The following TMIGD3 variants were observed in gnomAD, a reference collection of about 807,000 sequenced individuals.
TMIGD3 encodes the protein AD026 protein (AD026).
A neutral mutation model predicts 28.1 loss-of-function variants in TMIGD3; 21 were observed. That is an observed-to-expected ratio of 0.75 (90% CI 0.53 to 1.08). TMIGD3 has a LOEUF of 1.08. TMIGD3 is among the 50% of genes least tolerant of loss of function. TMIGD3 has a pLI of 0.00. For synonymous variants in TMIGD3, 151 were observed against 162.1 expected (o/e 0.93, Z 0.52); for missense variants, 416 against 435.6 (o/e 0.96, Z 0.40).
rs539015414 is a variant in TMIGD3, at chr1:111,530,702, C to T, written c.107+33144G>A. Among the ~76,000 whole-genome samples the T allele has an allele frequency of 2.6e-5, 4 of 152,218 alleles. No individual in the cohort carries two copies. In the East Asian group the frequency reaches 5.8e-4, roughly 22 times the overall value. ...TTCTGCCATTGTTATCATTGTTCCT[C>T]TATATGTAATGTAGGGGTTTTTTTT... is the stretch of plus-strand genomic sequence containing the variant. On this transcript the variant is annotated intron_variant, in intron 1 of 5. Transcript: ENST00000369717.
At chr1:111,552,903 T>A (rs535329937) in intron 1 of TMIGD3, among the ~76,000 whole-genome samples, 4 of 152,336 alleles carry the variant, frequency 2.6e-5, no homozygotes, top group Admixed American at 2.6e-4. Flanking sequence ...CAAAAATTGT[T>A]AGGCACTAAA....
intron 3 of TMIGD3, among the ~76,000 whole-genome samples, chr1:111,487,660 A>G (rs2100956366): frequency 6.6e-6 from 1 of 152,302 alleles, no homozygotes; most frequent in South Asian, 2.1e-4. Flanking sequence ...TCCAGCCAAG[A>G]GTTGTAATTT....
At chr1:111,507,983 C>T (rs1174519050), upstream of TMIGD3, among the ~76,000 whole-genome samples, 2 of 152,254 alleles carry the variant, frequency 1.3e-5, no homozygotes, top group African/African-American at 2.4e-5. Flanking sequence ...CACGGGCCTT[C>T]TAACCAGGGC....
intron 1 of TMIGD3, among the ~76,000 whole-genome samples, chr1:111,513,894 T>C (rs1002039072): frequency 3.9e-5 from 6 of 152,208 alleles, no homozygotes; most frequent in African/African-American, 1.2e-4. Context: ...TGGAAACATC[T>C]GCAGGGAGGC....
chr1:111,539,220 A>G (rs1390617263), intron 1 of TMIGD3, among the ~76,000 whole-genome samples: 8 of 152,156 alleles, frequency 5.3e-5, no homozygotes, highest in African/African-American at 9.7e-5. Flanking sequence ...ATAGTACCTG[A>G]TACTATGCTC....
chr1:111,531,220 G>A (rs1174981936), intron 1 of TMIGD3, among the ~76,000 whole-genome samples: 2 of 151,800 alleles, frequency 1.3e-5, no homozygotes, highest in African/African-American at 4.8e-5. Context: ...AGAGGTTGCA[G>A]TAAGCCAAGG....
intron 1 of TMIGD3, among the ~76,000 whole-genome samples, chr1:111,558,352 ATTT>A (rs5777065): frequency 1.4e-5 from 2 of 144,996 alleles, no homozygotes; most frequent in Non-Finnish European, 1.5e-5. Flanking sequence ...TAATTTTTCT[ATTT>A]TTTTTTTTTT....
At chr1:111,546,077 T>C (rs1350243027) in intron 1 of TMIGD3, among the ~76,000 whole-genome samples, 2 of 152,186 alleles carry the variant, frequency 1.3e-5, no homozygotes, top group Middle Eastern at 3.2e-3. Context: ...TTTTTCTTTT[T>C]CAAAACTATT....
intron 1 of TMIGD3, among the ~76,000 whole-genome samples, chr1:111,496,791 A>G (rs1167293436): frequency 6.6e-6 from 1 of 152,248 alleles, no homozygotes; most frequent in Non-Finnish European, 1.5e-5. Flanking sequence ...AGTCTCTGCC[A>G]AAATGCAAGT....
At chr1:111,485,708 G>GGGC in intron 5 of TMIGD3, 32 bp downstream of exon 5, 1 of 867,088 alleles carries the variant, frequency 1.2e-6, no homozygotes, top group Non-Finnish European at 1.9e-6. Context: ...TCTAATTCTT[G>GGGC]CCCACCCCCT....
At chr1:111,490,833 G>C (rs1353845802) in intron 1 of TMIGD3, 71 bp from the exon 2 acceptor site, 3 of 1,141,930 alleles carry the variant, frequency 2.6e-6, no homozygotes, top group East Asian at 4.9e-5. Flanking sequence ...CAGTGAAAAG[G>C]GAAACAACCA....
chr1:111,544,295 T>C (rs938053983), intron 1 of TMIGD3, among the ~76,000 whole-genome samples: 3 of 152,212 alleles, frequency 2.0e-5, no homozygotes, highest in Non-Finnish European at 4.4e-5. Flanking sequence ...CAGTAATTTT[T>C]AGTATATTCA....
chr1:111,541,862 C>T (rs147007591), intron 1 of TMIGD3, among the ~76,000 whole-genome samples: 5 of 152,138 alleles, frequency 3.3e-5, no homozygotes, highest in Admixed American at 6.5e-5. Flanking sequence ...CAAGAAACTG[C>T]GAGTGAATGC....
intron 1 of TMIGD3, among the ~76,000 whole-genome samples, chr1:111,519,883 G>T (rs1447620171): frequency 6.6e-6 from 1 of 151,784 alleles, no homozygotes; most frequent in Non-Finnish European, 1.5e-5. Context: ...AATAGAGATG[G>T]GGTTTCACCA....
chr1:111,563,774 C>A, intron 1 of TMIGD3: 1 of 1,123,394 alleles, frequency 8.9e-7, no homozygotes, highest in Non-Finnish European at 1.3e-6. Flanking sequence ...ATAAATGTTC[C>A]AAAGTGGTCA....
At chr1:111,495,207 C>T (rs142540244) in intron 1 of TMIGD3, among the ~76,000 whole-genome samples, 82 of 152,088 alleles carry the variant, frequency 5.4e-4, no homozygotes, top group Middle Eastern at 3.4e-3. Context: ...AAAGTATTTG[C>T]GAACTATTCA....
Position 111,490,885 on chromosome 1 carries a change from A to G in TMIGD3, c.351-123T>C, listed in dbSNP as rs1654626322. On this transcript the variant is annotated intron_variant, in intron 1 of 5. Transcript: ENST00000369716. ...CTGCCATGTATAGATACACTGCACA[A>G]TGCACCATACCACATGCTCTTCATA... 5.9e-6 allele frequency: 4 copies of G among 678,634 alleles called. No homozygotes were observed. In the East Asian group the frequency reaches 8.1e-5, roughly 14 times the overall value. The allele number at this position is 678,634 out of a possible 1,614,324, so 42.0% of individuals were successfully genotyped here. A position where few individuals can be genotyped will look rare whatever the true frequency, so the allele number is the denominator to read the frequency against.
intron 1 of TMIGD3, among the ~76,000 whole-genome samples, chr1:111,533,735 C>T (rs970774490): frequency 2.0e-5 from 3 of 152,020 alleles, no homozygotes; most frequent in East Asian, 1.9e-4. Flanking sequence ...TTGTATTTAT[C>T]GTAAAGATGG....
At chr1:111,493,290 G>A (rs1034111186) in intron 1 of TMIGD3, among the ~76,000 whole-genome samples, 3 of 152,146 alleles carry the variant, frequency 2.0e-5, no homozygotes, top group South Asian at 4.1e-4. Flanking sequence ...CCTCATGAAT[G>A]TCTTGGTGCC....
Sources: gnomAD v4.1 joint callset for allele counts (sites outside exome capture counted in the v4.1 genomes callset) on GRCh38, gnomAD v4.1.1 for gene constraint, MANE v1.5 for transcripts, NCBI Gene and HGNC (gene_info 2026-07-23, HGNC 2026-07-21) for gene names.